The following ACYP2 variants were observed in gnomAD, a reference collection of about 807,000 sequenced individuals.
The protein encoded by ACYP2 is acylphosphatase 2.
A neutral mutation model predicts 11.2 loss-of-function variants in ACYP2; 12 were observed. The ratio of observed to expected loss-of-function variants is 1.08; its 90% CI spans 0.69 to 1.74. ACYP2 has a LOEUF of 1.74. ACYP2 is among the 40% of genes most tolerant of loss of function. ACYP2 has a pLI of 0.00. For synonymous variants in ACYP2, 43 were observed against 32.2 expected (o/e 1.33, Z -1.13); for missense variants, 134 against 101.9 (o/e 1.31, Z -1.35).
intron 6 of ACYP2, among the ~76,000 whole-genome samples, chr2:54,246,455 T>C (rs1358736167): frequency 1.3e-5 from 2 of 152,214 alleles, no homozygotes; most frequent in East Asian, 3.8e-4. Flanking sequence ...GGCACATTTC[T>C]AAAGCTTTTT....
chr2:54,241,858 C>T (rs843654), intron 6 of ACYP2, among the ~76,000 whole-genome samples: 72,061 of 151,882 alleles, frequency 0.47, 18,068 homozygotes, highest in African/African-American at 0.65. Flanking sequence ...ACTAAAAATA[C>T]AAAAATTAGC....
chr2:54,157,475 T>A (rs1682483600), intron 6 of ACYP2, among the ~76,000 whole-genome samples: 2 of 152,244 alleles, frequency 1.3e-5, no homozygotes, highest in African/African-American at 4.8e-5. Context: ...GGCATTCAGC[T>A]TTCTGCAGTT....
intron 6 of ACYP2, among the ~76,000 whole-genome samples, chr2:54,290,138 C>T (rs1221580007): frequency 1.3e-5 from 2 of 152,038 alleles, no homozygotes; most frequent in Admixed American, 1.3e-4. Context: ...CTTGCACATT[C>T]CTCTCGGCAC....
At chr2:54,285,310 C>T (rs996341839) in intron 6 of ACYP2, among the ~76,000 whole-genome samples, 3 of 152,210 alleles carry the variant, frequency 2.0e-5, no homozygotes, top group Admixed American at 6.5e-5. Flanking sequence ...ATACCACGGT[C>T]TCCTGGCTTT....
intron 2 of ACYP2, among the ~76,000 whole-genome samples, chr2:54,024,058 A>G (rs1037901164): frequency 6.6e-6 from 1 of 152,190 alleles, no homozygotes; most frequent in African/African-American, 2.4e-5. Flanking sequence ...ATACTAGCTA[A>G]CTGAATCTAA....
chr2:53,983,586 C>T (rs1179972115), intron 2 of ACYP2, among the ~76,000 whole-genome samples: 1 of 152,106 alleles, frequency 6.6e-6, no homozygotes, highest in African/African-American at 2.4e-5. Context: ...AAAAAACACC[C>T]ATATGCTTAG....
chr2:54,097,139 T>C (rs1678638718), intron 4 of ACYP2, among the ~76,000 whole-genome samples: 1 of 152,208 alleles, frequency 6.6e-6, no homozygotes, highest in Non-Finnish European at 1.5e-5. Flanking sequence ...TGTTCCAAGG[T>C]TACCTTTTTC....
At chr2:53,976,883 G>A (rs919377092) in intron 2 of ACYP2, among the ~76,000 whole-genome samples, 11 of 152,192 alleles carry the variant, frequency 7.2e-5, no homozygotes, top group African/African-American at 2.7e-4. Flanking sequence ...GTAGCCAGAT[G>A]TGGGCTTCTT....
At chr2:54,163,102 G>A (rs1682797374) in intron 6 of ACYP2, among the ~76,000 whole-genome samples, 1 of 152,188 alleles carries the variant, frequency 6.6e-6, no homozygotes, top group Non-Finnish European at 1.5e-5. Context: ...GTAAGTTTGA[G>A]GTGGAGCCTG....
At chr2:54,256,004 G>C in intron 6 of ACYP2, 1 of 1,614,154 alleles carries the variant, frequency 6.2e-7, no homozygotes, top group Non-Finnish European at 8.5e-7. Context: ...CGGGGCGGTG[G>C]GAACACGATT....
At chr2:54,271,085 T>C (rs1444395130) in intron 6 of ACYP2, among the ~76,000 whole-genome samples, 3 of 152,232 alleles carry the variant, frequency 2.0e-5, no homozygotes, top group Non-Finnish European at 2.9e-5. Context: ...TGCTCCTTGC[T>C]CATTCCAGGG....
intron 6 of ACYP2, among the ~76,000 whole-genome samples, chr2:54,154,860 A>G (rs1472559547): frequency 1.3e-5 from 2 of 152,158 alleles, no homozygotes; most frequent in Non-Finnish European, 1.5e-5. Context: ...ATTAGTTTAA[A>G]TGTTTGGCAG....
At chr2:54,066,730 T>C (rs1178771756) in intron 4 of ACYP2, among the ~76,000 whole-genome samples, 1 of 152,108 alleles carries the variant, frequency 6.6e-6, no homozygotes, top group Non-Finnish European at 1.5e-5. Context: ...ATAAGTAGGG[T>C]GAGGAGTTAA....
intron 6 of ACYP2, among the ~76,000 whole-genome samples, chr2:54,245,625 C>CT (rs945845595): frequency 1.8e-4 from 27 of 150,944 alleles, no homozygotes; most frequent in East Asian, 5.8e-4. Flanking sequence ...TGATGTTGAG[C>CT]TTTTTTTTCC....
chr2:54,186,393 A>G (rs1244507931), intron 6 of ACYP2, among the ~76,000 whole-genome samples: 1 of 152,234 alleles, frequency 6.6e-6, no homozygotes, highest in Non-Finnish European at 1.5e-5. Flanking sequence ...CAGTATGTAG[A>G]TGAAGCCTTG....
intron 6 of ACYP2, among the ~76,000 whole-genome samples, chr2:54,150,664 G>A (rs1682114149): frequency 6.6e-6 from 1 of 151,936 alleles, no homozygotes; most frequent in African/African-American, 2.4e-5. Flanking sequence ...TGGGGTGATC[G>A]GCCCATCTCG....
At position 54,232,179 on chromosome 2, in the gene ACYP2, A is replaced by G. The variant is rs1272485424; in HGVS notation, c.405-72509A>G. 3.3e-5 allele frequency among the ~76,000 whole-genome samples: 5 copies of G among 152,182 alleles called. No homozygotes were observed. The East Asian group carries it at 9.6e-4, about 29-fold the overall frequency. On this transcript the variant is annotated intron_variant, in intron 6 of 6. Transcript: ENST00000607452. ...ACTGGATAATTCTTCACCGGGTTCT[A>G]TCTCTGTGATTCTTTTCACTCTGTC...
At chr2:54,037,070 T>G (rs1231404619) in intron 2 of ACYP2, among the ~76,000 whole-genome samples, 2 of 152,218 alleles carry the variant, frequency 1.3e-5, no homozygotes, top group Non-Finnish European at 2.9e-5. Context: ...TATTTTTTAA[T>G]GTAGAGAAAA....
At chr2:54,127,606 G>A (rs1016819157) in intron 4 of ACYP2, among the ~76,000 whole-genome samples, 32 of 151,918 alleles carry the variant, frequency 2.1e-4, no homozygotes, top group African/African-American at 6.0e-4. Flanking sequence ...AAATTAGCCC[G>A]GTGTGGTGGC....
Sources: gnomAD v4.1 joint callset for allele counts (sites outside exome capture counted in the v4.1 genomes callset) on GRCh38, gnomAD v4.1.1 for gene constraint, MANE v1.5 for transcripts, NCBI Gene and HGNC (gene_info 2026-07-23, HGNC 2026-07-21) for gene names.